Variants in ELAVL3 observed in about 807,000 individuals in gnomAD.
ELAVL3 encodes the protein ELAV like RNA binding protein 3.
ELAVL3 carries 8 observed loss-of-function variants against 34.2 expected under a neutral mutation model. The observed-to-expected ratio is 0.23, with a 90% confidence interval of 0.14 to 0.42. The LOEUF is 0.42. Ranked by LOEUF, ELAVL3 falls within the 10% of genes least tolerant of loss-of-function variation. ELAVL3 has a pLI of 1.00. For synonymous variants in ELAVL3, 209 were observed against 222.1 expected, an observed-to-expected ratio of 0.94 and a Z score of 0.53; for missense variants, 273 against 518.8, an observed-to-expected ratio of 0.53 and a Z score of 4.60.
Position 11,454,802 on chromosome 19 carries a change from C to A in ELAVL3, c.828G>T (p.Ser276=). 2 of 1,612,532 alleles carry A rather than the reference C, an allele frequency of 1.2e-6. No homozygotes were observed. Among genetic ancestry groups the A allele is most frequent in the Non-Finnish European group, 1.7e-6 (2 of 1,179,604 alleles). ...ACCAGCCGGCGCCCGCCGCGCCCCC[C>A]GACAGGCCCACGCCCGCCAGGCCGC... ...GMSGLAGVGL[S]GGAAGAGWCI... The change falls in exon 7 of 7, where the codon TCG becomes TCT. Residue 276 remains serine (S), a synonymous_variant. Transcript: ENST00000359227. The surrounding 1 kb of genome is among the most constrained non-coding windows in gnomAD (Gnocchi z 9.2).
chr19:11,474,771 C>G (rs903654928), intron 1 of ELAVL3, among the ~76,000 whole-genome samples: 1 of 152,188 alleles, frequency 6.6e-6, no homozygotes, highest in Admixed American at 6.6e-5. Flanking sequence ...CTCATCTCAG[C>G]CTCTCAAGTA....
intron 1 of ELAVL3, among the ~76,000 whole-genome samples, chr19:11,477,022 G>A (rs757461210): frequency 3.9e-5 from 6 of 152,140 alleles, no homozygotes; most frequent in Non-Finnish European, 5.9e-5. Flanking sequence ...ACAGCAAAGC[G>A]AAGCTGAGTA....
At chr19:11,461,948 G>A (rs979069594) in intron 3 of ELAVL3, among the ~76,000 whole-genome samples, 3 of 152,162 alleles carry the variant, frequency 2.0e-5, no homozygotes, top group African/African-American at 7.2e-5. Context: ...GGCTGAGGCA[G>A]GCGGATCACA....
In ELAVL3 at chr19:11,466,216, T is replaced by C; in HGVS notation, c.289A>G (p.Ile97Val). The C allele has an allele frequency of 8.1e-6, 13 of 1,613,868 alleles. No homozygotes were observed. The highest frequency in any genetic ancestry group is 1.1e-5 in the Non-Finnish European group (13 of 1,179,888). Residue 97 changes from isoleucine to valine, a missense_variant, in exon 3 of 7, where the codon ATC (isoleucine) becomes GTC (valine). Around this residue, in one of 4 missense-constraint regions of ELAVL3, gnomAD observed 102 missense variants for 250.1 expected, o/e 0.41. Transcript: ENST00000359227. The surrounding 1 kb of genome is among the most constrained non-coding windows in gnomAD (Gnocchi z 5.0). Reference sequence around the variant, plus strand: ...AATTTGAGGCCGTTGAGGGTGTTGATGGCTTTGTCTGCATCATTGGGGTCA... The same window carrying C: ...AATTTGAGGCCGTTGAGGGTGTTGACGGCTTTGTCTGCATCATTGGGGTCA... ...YSDPNDADKA[I>V]NTLNGLKLQT...
At chr19:11,476,044 T>C (rs941308598) in intron 1 of ELAVL3, among the ~76,000 whole-genome samples, 1 of 152,182 alleles carries the variant, frequency 6.6e-6, no homozygotes, top group Non-Finnish European at 1.5e-5. Flanking sequence ...GGAATATGCA[T>C]TGGGTTGATT....
intron 3 of ELAVL3, among the ~76,000 whole-genome samples, chr19:11,464,188 G>A (rs759314252): frequency 1.0e-4 from 13 of 128,688 alleles, no homozygotes; most frequent in Non-Finnish European, 1.7e-4. Context: ...TTTTAGACAG[G>A]GTCTTGCTCT....
At chr19:11,456,881 T>C (rs934817620) in intron 6 of ELAVL3, among the ~76,000 whole-genome samples, 1 of 152,092 alleles carries the variant, frequency 6.6e-6, no homozygotes, top group African/African-American at 2.4e-5. Flanking sequence ...CCCAGGCTGA[T>C]CTTGAACTCC....
At position 11,466,782 on chromosome 19, in the gene ELAVL3, C is replaced by T. The variant is rs1364883553; in HGVS notation, c.55G>A (p.Gly19Ser). 2.5e-6 allele frequency: 4 copies of T among 1,613,274 alleles called. No homozygotes were observed. Among genetic ancestry groups the T allele is most frequent in the African/African-American group, 1.3e-5 (1 of 75,006 alleles). Residue 19 changes from glycine to serine, a missense_variant, in exon 2 of 7, where the codon GGC (glycine) becomes AGC (serine). Around this residue, in one of 4 missense-constraint regions of ELAVL3, gnomAD observed 40 missense variants for 40.8 expected, o/e 0.98. Coordinates refer to ENST00000359227, the MANE Select transcript of ELAVL3 (RefSeq NM_001420.4). The surrounding 1 kb of genome is among the most constrained non-coding windows in gnomAD (Gnocchi z 5.0). ...AGTGGCCCGTTGGGCAGGGCCGGGC[C>T]GGCCGGGCCCCCCCCCACCTGAGAC... ...MESQVGGGPA[G>S]PALPNGPLLG...
intron 1 of ELAVL3, among the ~76,000 whole-genome samples, chr19:11,471,892 A>G (rs1021397435): frequency 3.9e-5 from 6 of 152,216 alleles, no homozygotes; most frequent in Non-Finnish European, 8.8e-5. Context: ...ATGAAGGGCT[A>G]TGTAGAGGAG....
chr19:11,466,485 C>T lies in ELAVL3; in HGVS notation c.229+123G>A. On this transcript the variant is annotated intron_variant, in intron 2 of 6. Transcript: ENST00000359227. This position sits in a 1 kb window ranked among gnomAD's most constrained non-coding sequence, Gnocchi z 5.0. Reference sequence around the variant, plus strand: ...CCATCTCCCCATCAGACCTCACATCCCTAGACCACCTCCTGCCTCGATTAC... The same window carrying T: ...CCATCTCCCCATCAGACCTCACATCTCTAGACCACCTCCTGCCTCGATTAC... 8.2e-7 allele frequency: 1 copy of T among 1,215,426 alleles called. No homozygotes were observed. The highest frequency in any genetic ancestry group is 1.2e-6 in the Non-Finnish European group (1 of 848,202). 75.3% of individuals were successfully genotyped at this position (1,215,426 alleles called of 1,614,324 possible).
In ELAVL3 at chr19:11,480,340, C is replaced by T. The variant is rs1971350458; in HGVS notation, c.9+260G>A. ...TCAGGCCTGCTGGAGAGGGGGCAAT[C>T]CCGCCTCCAGGGCGGCGTCGGACGC... On this transcript the variant is annotated intron_variant, in intron 1 of 6. Coordinates refer to ENST00000359227, the MANE Select transcript of ELAVL3 (RefSeq NM_001420.4). This position sits in a 1 kb window ranked among gnomAD's most constrained non-coding sequence, Gnocchi z 6.8. 5.0e-6 allele frequency: 2 copies of T among 401,176 alleles called. No individual in the cohort carries two copies. Among genetic ancestry groups the T allele is most frequent in the Admixed American group, 4.5e-5 (1 of 22,250 alleles). The allele number at this position is 401,176 out of a possible 1,614,324, so 24.9% of individuals were successfully genotyped here. A position where few individuals can be genotyped will look rare whatever the true frequency, so the allele number is the denominator to read the frequency against.
intron 6 of ELAVL3, among the ~76,000 whole-genome samples, chr19:11,456,407 G>A (rs1045948794): frequency 6.6e-6 from 1 of 150,418 alleles, no homozygotes; most frequent in Non-Finnish European, 1.5e-5. Flanking sequence ...CCCGGCCTCT[G>A]TTACCCCTTC....
At chr19:11,468,890 T>C (rs1015600897) in intron 1 of ELAVL3, among the ~76,000 whole-genome samples, 11 of 152,152 alleles carry the variant, frequency 7.2e-5, no homozygotes, top group African/African-American at 2.7e-4. Flanking sequence ...ATTGACTTTT[T>C]TTTTACATCA....
chr19:11,464,211 G>A (rs1163967777), intron 3 of ELAVL3, among the ~76,000 whole-genome samples: 1 of 87,706 alleles, frequency 1.1e-5, no homozygotes, highest in Non-Finnish European at 2.2e-5. Flanking sequence ...TGCCGAGGCT[G>A]GAGTGCAGTG....
Position 11,458,723 on chromosome 19 carries a change from A to C in ELAVL3, c.334-112T>G. ...AGTTAGCAGAAGTGACCCATCCGTC[A>C]CTCAATAAGTATCTCTAGAGTTGTC... On this transcript the variant is annotated intron_variant, in intron 3 of 6. Transcript: ENST00000359227. The surrounding 1 kb of genome is among the most constrained non-coding windows in gnomAD (Gnocchi z 7.3). 7.2e-7 allele frequency: 1 copy of C among 1,391,374 alleles called. No homozygotes were observed. The highest frequency in any genetic ancestry group is 1.4e-5 in the African/African-American group (1 of 70,574). The allele number at this position is 1,391,374 out of a possible 1,614,324, so 86.2% of individuals were successfully genotyped here.
Position 11,480,505 on chromosome 19 carries a change from T to G in ELAVL3, c.9+95A>C. The G allele has an allele frequency of 3.8e-6, 4 of 1,040,968 alleles. No individual in the cohort carries two copies. The highest frequency in any genetic ancestry group is 5.3e-6 in the Non-Finnish European group (4 of 760,322). The allele number at this position is 1,040,968 out of a possible 1,614,324, so 64.5% of individuals were successfully genotyped here. On this transcript the variant is annotated intron_variant, in intron 1 of 6. Transcript: ENST00000359227. The surrounding 1 kb of genome is among the most constrained non-coding windows in gnomAD (Gnocchi z 6.8). ...CCAACCCGGGCCTAGCTAGGCCTGG[T>G]CCTACCCCCCCCGCCGCACCCGCCC...
At chr19:11,469,361 A>G (rs1971119086) in intron 1 of ELAVL3, among the ~76,000 whole-genome samples, 1 of 152,138 alleles carries the variant, frequency 6.6e-6, no homozygotes. Flanking sequence ...GCTCCCCCCA[A>G]ACTCCGCCTC....
intron 1 of ELAVL3, among the ~76,000 whole-genome samples, chr19:11,470,682 A>G (rs1257338056): frequency 1.3e-5 from 2 of 152,226 alleles, no homozygotes; most frequent in African/African-American, 4.8e-5. Context: ...ATCTCAAAAT[A>G]AAACAAAATA....
At chr19:11,469,726 G>A (rs1036821432) in intron 1 of ELAVL3, among the ~76,000 whole-genome samples, 3 of 152,066 alleles carry the variant, frequency 2.0e-5, no homozygotes, top group African/African-American at 7.2e-5. Flanking sequence ...ATGTTGAGGA[G>A]GACATGCTGT....
Sources: allele counts gnomAD v4.1 joint callset (sites outside exome capture counted in the v4.1 genomes callset), GRCh38; gene constraint gnomAD v4.1.1; regional missense constraint gnomAD v4.1.1; non-coding constraint Gnocchi (gnomAD v3.1); transcripts MANE v1.5; gene names NCBI Gene and HGNC (gene_info 2026-07-23, HGNC 2026-07-21).